The following UTRN variants were observed in gnomAD, a reference collection of about 807,000 sequenced individuals.
UTRN encodes the protein dystrophin-related protein 1.
UTRN carries 283 observed loss-of-function variants against 463.9 expected under a neutral mutation model. The observed-to-expected ratio is 0.61, with a 90% CI of 0.55 to 0.67. The LOEUF (loss-of-function observed/expected upper bound fraction) is 0.67, where lower values mean the gene tolerates loss of function less well. Ranked by LOEUF, UTRN falls within the 30% of genes least tolerant of loss-of-function variation. The probability of loss-of-function intolerance (pLI) is 0.00; values close to 1 mark genes in which losing one functional copy is unlikely to be tolerated. For synonymous variants in UTRN, 1,442 were observed against 1,431.5 expected (o/e 1.01, Z -0.17); for missense variants, 3,922 against 4,084.3 (o/e 0.96, Z 1.08).
At chr6:144,591,518 G>C (rs577629766) in intron 51 of UTRN, among the ~76,000 whole-genome samples, 1 of 152,186 alleles carries the variant, frequency 6.6e-6, no homozygotes, top group South Asian at 2.1e-4. Flanking sequence ...AATGCTGATT[G>C]ACATAAAACC....
At chr6:144,756,869 T>G (rs1225942613) in intron 57 of UTRN, among the ~76,000 whole-genome samples, 3 of 152,110 alleles carry the variant, frequency 2.0e-5, no homozygotes, top group Non-Finnish European at 4.4e-5. Flanking sequence ...GGGCAAGTTA[T>G]TTTATCTCTA....
intron 52 of UTRN, among the ~76,000 whole-genome samples, chr6:144,699,427 A>T (rs1366072604): frequency 7.1e-6 from 1 of 140,862 alleles, no homozygotes; most frequent in East Asian, 2.1e-4. Context: ...GTGACAGAGC[A>T]ATACTCTGTC....
At chr6:144,441,847 G>A (rs1007721055) in intron 13 of UTRN, among the ~76,000 whole-genome samples, 1 of 152,164 alleles carries the variant, frequency 6.6e-6, no homozygotes, top group East Asian at 1.9e-4. Flanking sequence ...CTGTGTACCC[G>A]CAGGCTCAAC....
intron 51 of UTRN, among the ~76,000 whole-genome samples, chr6:144,598,078 G>C (rs1487950938): frequency 1.3e-5 from 2 of 152,132 alleles, no homozygotes; most frequent in South Asian, 4.1e-4. Flanking sequence ...ATCTGTGAAC[G>C]AAAAGAGTCA....
chr6:144,656,474 C>T lies in UTRN; in HGVS notation c.7480-21932C>T, dbSNP rs528342176. On this transcript the variant is annotated intron_variant, in intron 51 of 74. Transcript: ENST00000367545. ...TTGCCCCAGCTGGAGCGCAGTGGCA[C>T]GATCTCGGCTCACTGCAGCTTCGAC... Among the ~76,000 whole-genome samples, 4 of 152,322 alleles carry T rather than the reference C, an allele frequency of 2.6e-5. No homozygotes were observed. In the East Asian group the frequency reaches 5.8e-4, roughly 22 times the overall value.
At chr6:144,774,842 A>G (rs775952319) in intron 60 of UTRN, among the ~76,000 whole-genome samples, 1 of 152,238 alleles carries the variant, frequency 6.6e-6, no homozygotes, top group Non-Finnish European at 1.5e-5. Flanking sequence ...ATCTTGAGAC[A>G]TTTAGTATTA....
rs369138743 is a variant in UTRN at position 144,738,529 on chromosome 6, C to T, written c.7939+8043C>T. 2.4e-4 allele frequency among the ~76,000 whole-genome samples: 37 copies of T among 152,262 alleles called. No individual in the cohort carries two copies. In the East Asian group the frequency reaches 2.9e-3, roughly 12 times the overall value. On this transcript the variant is annotated intron_variant, in intron 54 of 74. Coordinates refer to ENST00000367545, the MANE Select transcript of UTRN (RefSeq NM_007124.3). Reference sequence around the variant, plus strand: ...ACATACAGATGCAGGCAGGCAGGCACGCACATGCACAAGCACCCCCCACCA... The same window carrying T: ...ACATACAGATGCAGGCAGGCAGGCATGCACATGCACAAGCACCCCCCACCA...
intron 2 of UTRN, among the ~76,000 whole-genome samples, chr6:144,335,244 A>G (rs1328057993): frequency 1.3e-5 from 2 of 152,236 alleles, no homozygotes; most frequent in African/African-American, 4.8e-5. Flanking sequence ...AAACTCAGGA[A>G]TGGCTTGTTG....
rs114357834 is a variant in UTRN at position 144,598,397 on chromosome 6, A to G, written c.7479+21109A>G. On this transcript the variant is annotated intron_variant, in intron 51 of 74. Coordinates refer to ENST00000367545, the MANE Select transcript of UTRN (RefSeq NM_007124.3). ...AATCGAAGGGAGTGTCTGGGTTAAG[A>G]TAAGGGGTTGCAGAGACCAAGGTTC... Among the ~76,000 whole-genome samples, 618 of 152,292 alleles carry G rather than the reference A, an allele frequency of 4.1e-3. 4 individuals are homozygous for G. The highest frequency in any genetic ancestry group is 0.014 in the African/African-American group (579 of 41,574).
chr6:144,468,468 G>T (rs1364808170), intron 23 of UTRN, among the ~76,000 whole-genome samples: 1 of 151,808 alleles, frequency 6.6e-6, no homozygotes, highest in Non-Finnish European at 1.5e-5. Flanking sequence ...ATGAGAAATG[G>T]CTGCCCCAGA....
chr6:144,406,772 T>C (rs1242234738), intron 3 of UTRN, among the ~76,000 whole-genome samples: 3 of 152,210 alleles, frequency 2.0e-5, no homozygotes, highest in African/African-American at 7.2e-5. Context: ...TTTCCTTTTT[T>C]TAAAAAACAC....
intron 73 of UTRN, among the ~76,000 whole-genome samples, chr6:144,841,540 A>T (rs1267767148): frequency 6.6e-6 from 1 of 152,158 alleles, no homozygotes; most frequent in Non-Finnish European, 1.5e-5. Context: ...GCTCTCACCT[A>T]AAACACTTCT....
intron 51 of UTRN, among the ~76,000 whole-genome samples, chr6:144,578,499 T>A (rs915382131): frequency 6.6e-6 from 1 of 152,134 alleles, no homozygotes; most frequent in South Asian, 2.1e-4. Flanking sequence ...CATGCCTGGC[T>A]AGTTTTTGTA....
At chr6:144,618,819 A>T (rs1023717298) in intron 51 of UTRN, among the ~76,000 whole-genome samples, 2 of 152,164 alleles carry the variant, frequency 1.3e-5, no homozygotes, top group African/African-American at 4.8e-5. Context: ...CATTAAACAC[A>T]ACAATAACAG....
chr6:144,698,623 T>G (rs1378464337), intron 52 of UTRN, among the ~76,000 whole-genome samples: 4 of 152,206 alleles, frequency 2.6e-5, no homozygotes, highest in African/African-American at 9.6e-5. Flanking sequence ...TTCGATTCCT[T>G]GAGTCGCTGG....
At chr6:144,530,973 A>T in intron 41 of UTRN, 79 bp from the exon 42 acceptor site, 1 of 1,458,722 alleles carries the variant, frequency 6.9e-7, no homozygotes, top group African/African-American at 1.4e-5. Context: ...ATGAAATTTG[A>T]TTTTCTTTTT....
chr6:144,687,484 T>C (rs1296551832), intron 52 of UTRN, among the ~76,000 whole-genome samples: 1 of 152,106 alleles, frequency 6.6e-6, no homozygotes, highest in Admixed American at 6.6e-5. Context: ...AATAATGAAA[T>C]AATCAAACAA....
chr6:144,334,567 G>A (rs1052447633), intron 2 of UTRN, among the ~76,000 whole-genome samples: 8 of 152,250 alleles, frequency 5.3e-5, no homozygotes, highest in Admixed American at 1.3e-4. Flanking sequence ...AGCTGCTGCC[G>A]CCACCTGATA....
At chr6:144,572,309 A>G (rs1240899120) in intron 50 of UTRN, among the ~76,000 whole-genome samples, 1 of 151,582 alleles carries the variant, frequency 6.6e-6, no homozygotes, top group Non-Finnish European at 1.5e-5. Flanking sequence ...TCTGTGGGGG[A>G]TATCTAGGAG....
Sources: allele counts gnomAD v4.1 joint callset (sites outside exome capture counted in the v4.1 genomes callset), GRCh38; gene constraint gnomAD v4.1.1; transcripts MANE v1.5; gene names NCBI Gene and HGNC (gene_info 2026-07-23, HGNC 2026-07-21).